The following STYK1 variants were observed in gnomAD, a reference collection of about 807,000 sequenced individuals.
STYK1 encodes the protein STY kinase 1.
Under a neutral mutation model 48.1 loss-of-function variants are expected in STYK1, and 46 were observed. That is an observed-to-expected ratio of 0.96 (90% CI 0.75 to 1.22). The LOEUF (loss-of-function observed/expected upper bound fraction) is 1.22, where lower values mean the gene tolerates loss of function less well. STYK1 is among the 50% of genes most tolerant of loss of function. The pLI, the probability that STYK1 is intolerant of heterozygous loss-of-function variation, is 0.00. For synonymous variants in STYK1, 188 were observed against 189.0 expected, an observed-to-expected ratio of 0.99 and a Z score of 0.04; for missense variants, 527 against 521.1, an observed-to-expected ratio of 1.01 and a Z score of -0.11.
At chr12:10,667,809 G>A (rs189743921) in intron 1 of STYK1, among the ~76,000 whole-genome samples, 9 of 152,122 alleles carry the variant, frequency 5.9e-5, no homozygotes, top group Admixed American at 1.3e-4. Context: ...TGAGCATCAG[G>A]AAATGTTTAT....
At chr12:10,627,868 G>A (rs1043474321) in intron 6 of STYK1, 144 bp from the exon 7 acceptor site, 8 of 614,464 alleles carry the variant, frequency 1.3e-5, no homozygotes, top group Non-Finnish European at 2.1e-5. Context: ...TGAGGCTGTG[G>A]GAGATTTTCA....
intron 2 of STYK1, among the ~76,000 whole-genome samples, chr12:10,636,639 G>A (rs1947488754): frequency 6.6e-6 from 1 of 152,194 alleles, no homozygotes; most frequent in African/African-American, 2.4e-5. Context: ...GGTGAATTCA[G>A]GAAGGCTATT....
intron 1 of STYK1, among the ~76,000 whole-genome samples, chr12:10,655,988 C>A (rs1947713662): frequency 6.6e-6 from 1 of 152,130 alleles, no homozygotes; most frequent in African/African-American, 2.4e-5. Flanking sequence ...TAGGGTTTGG[C>A]TATGTCCCCA....
chr12:10,670,823 G>A (rs968796988), intron 1 of STYK1, among the ~76,000 whole-genome samples: 6 of 149,580 alleles, frequency 4.0e-5, no homozygotes, highest in Admixed American at 4.0e-4. Context: ...AAAACAACAT[G>A]TATATGATAA....
At chr12:10,631,636 T>A (rs1339595086) in intron 4 of STYK1, among the ~76,000 whole-genome samples, 5 of 152,192 alleles carry the variant, frequency 3.3e-5, no homozygotes, top group Admixed American at 3.3e-4. Flanking sequence ...TGAATAGGTA[T>A]CCAAACCACA....
In STYK1 at chr12:10,621,976, T is replaced by C; in HGVS notation, c.968-4A>G. On this transcript the variant is annotated splice_polypyrimidine_tract_variant and splice_region_variant and intron_variant, in intron 9 of 10. Coordinates refer to ENST00000075503, the MANE Select transcript of STYK1 (RefSeq NM_018423.3). ...ACTTCAGGATACGGTGGTGCTCCTG[T>C]CATTACGAAAATAATGAGAACTTTA... 1 of 1,612,406 alleles carries C rather than the reference T, an allele frequency of 6.2e-7. No individual in the cohort carries two copies. The highest frequency in any genetic ancestry group is 8.5e-7 in the Non-Finnish European group (1 of 1,178,830).
chr12:10,665,763 T>A (rs887460074), intron 1 of STYK1, among the ~76,000 whole-genome samples: 2 of 152,220 alleles, frequency 1.3e-5, no homozygotes, highest in Non-Finnish European at 2.9e-5. Flanking sequence ...AATATTCTAA[T>A]TAATACTCTG....
chr12:10,659,508 C>T lies in STYK1; in HGVS notation c.-195+14458G>A, dbSNP rs557038518. Among the ~76,000 whole-genome samples the T allele has an allele frequency of 9.9e-5, 15 of 152,150 alleles. No individual in the cohort carries two copies. In the South Asian group the frequency reaches 3.1e-3, roughly 32 times the overall value. On this transcript the variant is annotated intron_variant, in intron 1 of 10. Coordinates refer to ENST00000075503, the MANE Select transcript of STYK1 (RefSeq NM_018423.3). ...AATAAAAGCTCCTTAGGAAAACTGG[C>T]CTCATACCTTGTCTATGTAGTCCCT...
At chr12:10,663,091 T>G (rs1214278447) in intron 1 of STYK1, among the ~76,000 whole-genome samples, 2 of 152,200 alleles carry the variant, frequency 1.3e-5, no homozygotes, top group African/African-American at 4.8e-5. Flanking sequence ...TTTCTGCTCT[T>G]TATTATGATT....
chr12:10,632,858 T>G (rs1947444887), intron 4 of STYK1, among the ~76,000 whole-genome samples: 1 of 152,216 alleles, frequency 6.6e-6, no homozygotes, highest in East Asian at 1.9e-4. Context: ...ACTGATATCT[T>G]CAAGGTTTGA....
chr12:10,655,034 T>A lies in STYK1; in HGVS notation c.-194-17838A>T, dbSNP rs1270633001. 3.9e-5 allele frequency among the ~76,000 whole-genome samples: 6 copies of A among 152,334 alleles called. No homozygotes were observed. In the South Asian group the frequency reaches 8.3e-4, roughly 21 times the overall value. On this transcript the variant is annotated intron_variant, in intron 1 of 10. Transcript: ENST00000075503. Reference sequence around the variant, plus strand: ...ATCCCTTCCCTTTCCTCCCTCTCTGTACAAACCAGTTGTAGGAATGGTAGA... The same window carrying A: ...ATCCCTTCCCTTTCCTCCCTCTCTGAACAAACCAGTTGTAGGAATGGTAGA...
intron 1 of STYK1, among the ~76,000 whole-genome samples, chr12:10,639,365 C>A (rs939576689): frequency 6.6e-6 from 1 of 151,600 alleles, no homozygotes; most frequent in South Asian, 2.1e-4. Context: ...GAAGGCAAGG[C>A]AGAAACTGAG....
At chr12:10,649,956 A>G (rs1464372643) in intron 1 of STYK1, among the ~76,000 whole-genome samples, 5 of 151,844 alleles carry the variant, frequency 3.3e-5, no homozygotes, top group Non-Finnish European at 5.9e-5. Flanking sequence ...ACTAAAAAAT[A>G]CAAAAAAATT....
chr12:10,642,896 A>G (rs957863428), intron 1 of STYK1, among the ~76,000 whole-genome samples: 10 of 152,104 alleles, frequency 6.6e-5, no homozygotes, highest in African/African-American at 2.4e-4. Context: ...ATATATCAGC[A>G]CCTGCCTGAT....
chr12:10,652,989 G>A (rs1433100642), intron 1 of STYK1, among the ~76,000 whole-genome samples: 1 of 152,156 alleles, frequency 6.6e-6, no homozygotes, highest in Admixed American at 6.5e-5. Flanking sequence ...CCTGAAATAG[G>A]GAAAGGAGTC....
At chr12:10,632,063 G>A (rs184154004) in intron 4 of STYK1, among the ~76,000 whole-genome samples, 1 of 152,102 alleles carries the variant, frequency 6.6e-6, no homozygotes, top group East Asian at 1.9e-4. Flanking sequence ...ATAAAAGATG[G>A]AGAAAAAGCT....
In STYK1 at chr12:10,627,644, C is replaced by G; in HGVS notation, c.714G>C (p.Ala238=). The change falls in exon 7 of 11, where the codon GCG becomes GCC. Residue 238 remains alanine (A), a synonymous_variant. Transcript: ENST00000075503. ...VYHIGKQVLL[A]LEFLQEKHLF... ...TTGTCATGTTGCCTCATCTTACCAG[C>G]GCCAAAAGGACCTGCTTTCCGATGT... 1.2e-6 allele frequency: 2 copies of G among 1,612,938 alleles called. No individual in the cohort carries two copies. Among genetic ancestry groups the G allele is most frequent in the East Asian group, 2.2e-5 (1 of 44,832 alleles).
intron 4 of STYK1, among the ~76,000 whole-genome samples, chr12:10,633,478 G>A (rs559316097): frequency 1.3e-5 from 2 of 152,252 alleles, no homozygotes; most frequent in African/African-American, 4.8e-5. Flanking sequence ...AGTTTCATCT[G>A]TGAATTGATT....
chr12:10,672,391 C>T lies in STYK1; in HGVS notation c.-195+1575G>A, dbSNP rs1212411309. On this transcript the variant is annotated intron_variant, in intron 1 of 10. Transcript: ENST00000075503. This position sits in a 1 kb window ranked among gnomAD's most constrained non-coding sequence, Gnocchi z 4.0. ...CAGATAAGCCACGACATTAGATTTT[C>T]TTTCTTTTTCTTCCTCTTGTATTTT... 6.6e-6 allele frequency among the ~76,000 whole-genome samples: 1 copy of T among 152,138 alleles called. No homozygotes were observed. Among genetic ancestry groups the T allele is most frequent in the African/African-American group, 2.4e-5 (1 of 41,406 alleles).
Sources: allele counts gnomAD v4.1 joint callset (sites outside exome capture counted in the v4.1 genomes callset), GRCh38; gene constraint gnomAD v4.1.1; non-coding constraint Gnocchi (gnomAD v3.1); transcripts MANE v1.5; gene names NCBI Gene and HGNC (gene_info 2026-07-23, HGNC 2026-07-21).